The following CDH8 variants were observed in gnomAD, a reference collection of about 807,000 sequenced individuals.
The protein encoded by CDH8 is cadherin-8.
Under a neutral mutation model 68.1 loss-of-function variants are expected in CDH8, and 17 were observed. The ratio of observed to expected loss-of-function variants is 0.25; its 90% CI spans 0.17 to 0.37. CDH8 has a LOEUF of 0.37. CDH8 is among the 10% of genes least tolerant of loss of function. The pLI, the probability that CDH8 is intolerant of heterozygous loss-of-function variation, is 1.00. For synonymous variants in CDH8, 372 were observed against 365.1 expected (o/e 1.02, Z -0.21); for missense variants, 763 against 999.3 (o/e 0.76, Z 3.19).
At chr16:61,946,099 A>G (rs1964796837) in intron 2 of CDH8, among the ~76,000 whole-genome samples, 1 of 152,010 alleles carries the variant, frequency 6.6e-6, no homozygotes, top group Admixed American at 6.6e-5. Context: ...CCTCCTGCCC[A>G]CTCCTAATAT....
chr16:61,768,794 T>A (rs1159471805), intron 8 of CDH8, among the ~76,000 whole-genome samples: 1 of 151,768 alleles, frequency 6.6e-6, no homozygotes, highest in Non-Finnish European at 1.5e-5. Flanking sequence ...TCCATCAATG[T>A]TATATTCAAG....
At chr16:61,963,065 C>T (rs1965187149) in intron 2 of CDH8, among the ~76,000 whole-genome samples, 1 of 152,112 alleles carries the variant, frequency 6.6e-6, no homozygotes, top group African/African-American at 2.4e-5. Context: ...TAAATTAATT[C>T]TTCTCTGCCT....
At chr16:61,746,969 C>A (rs1960038916) in intron 8 of CDH8, among the ~76,000 whole-genome samples, 1 of 152,000 alleles carries the variant, frequency 6.6e-6, no homozygotes, top group South Asian at 2.1e-4. Flanking sequence ...GCAGAACTGG[C>A]TGAAATGATT....
At chr16:61,928,060 T>C (rs1376695382) in intron 2 of CDH8, among the ~76,000 whole-genome samples, 2 of 152,160 alleles carry the variant, frequency 1.3e-5, no homozygotes, top group East Asian at 1.9e-4. Context: ...ATGCTAGAAA[T>C]TAAAAGTCCT....
In CDH8 at chr16:61,662,223, C is replaced by T. The variant is rs186294984; in HGVS notation, c.1655-6502G>A. ...AAACTTGGCTTCAATTTTACTCATA[C>T]GTTATTCAACAATCTTCTTTTCAGT... is the stretch of plus-strand genomic sequence containing the variant. On this transcript the variant is annotated intron_variant, in intron 10 of 11. Coordinates refer to ENST00000577390, the MANE Select transcript of CDH8 (RefSeq NM_001796.5). Among the ~76,000 whole-genome samples, 57 of 151,182 alleles carry T rather than the reference C, an allele frequency of 3.8e-4. No individual in the cohort carries two copies. The East Asian group carries it at 0.01, about 27-fold the overall frequency.
chr16:62,008,291 G>A (rs963462355), intron 2 of CDH8, among the ~76,000 whole-genome samples: 10 of 151,922 alleles, frequency 6.6e-5, no homozygotes, highest in Non-Finnish European at 1.0e-4. Context: ...TTGTATTTTT[G>A]GATTTATGTC....
At chr16:61,826,951 C>A (rs1962348816) in intron 4 of CDH8, among the ~76,000 whole-genome samples, 1 of 151,698 alleles carries the variant, frequency 6.6e-6, no homozygotes, top group Admixed American at 6.6e-5. Context: ...AGGATTTGAT[C>A]ACATCATAAT....
In CDH8 at chr16:61,760,382, G is replaced by A. The variant is rs1344130122; in HGVS notation, c.1414+28964C>T. ...GCTGGAGTGCAGTGGCGCAATCTCG[G>A]GTCACTGCAACCTCTGTCTCCTGGG... On this transcript the variant is annotated intron_variant, in intron 8 of 11. Transcript: ENST00000577390. Among the ~76,000 whole-genome samples, 3 of 151,416 alleles carry A rather than the reference G, an allele frequency of 2.0e-5. No homozygotes were observed. In the East Asian group the frequency reaches 5.9e-4, roughly 30 times the overall value.
chr16:61,725,216 G>A (rs1959316997), intron 9 of CDH8: 1 of 150,576 alleles, frequency 6.6e-6, no homozygotes, highest in South Asian at 2.1e-4. Flanking sequence ...TTTTTATTTT[G>A]GTTTTGCATA....
intron 2 of CDH8, among the ~76,000 whole-genome samples, chr16:61,937,123 G>A (rs1232272719): frequency 1.3e-5 from 2 of 152,010 alleles, no homozygotes; most frequent in Non-Finnish European, 1.5e-5. Context: ...GAATAAAACC[G>A]CTGTTATTCT....
At chr16:61,888,833 T>G (rs1963724446) in intron 3 of CDH8, among the ~76,000 whole-genome samples, 1 of 152,178 alleles carries the variant, frequency 6.6e-6, no homozygotes, top group African/African-American at 2.4e-5. Context: ...GTCCTCCCAC[T>G]ACTGCTCCAT....
chr16:61,847,277 C>T (rs764483855), intron 4 of CDH8, among the ~76,000 whole-genome samples: 2 of 151,962 alleles, frequency 1.3e-5, no homozygotes, highest in African/African-American at 2.4e-5. Context: ...CCATATGGCA[C>T]AAACTCTTTT....
chr16:61,955,642 G>A (rs1964974943), intron 2 of CDH8, among the ~76,000 whole-genome samples: 1 of 152,002 alleles, frequency 6.6e-6, no homozygotes, highest in South Asian at 2.1e-4. Flanking sequence ...ACAAGAAAGA[G>A]TTTATCATAA....
intron 3 of CDH8, among the ~76,000 whole-genome samples, chr16:61,882,254 T>A (rs902820902): frequency 7.2e-5 from 11 of 152,206 alleles, no homozygotes; most frequent in Admixed American, 7.2e-4. Context: ...AAAGCTCCCA[T>A]CCAATATTTA....
chr16:61,759,651 T>G (rs1012948440), intron 8 of CDH8, among the ~76,000 whole-genome samples: 3 of 152,190 alleles, frequency 2.0e-5, no homozygotes, highest in Non-Finnish European at 4.4e-5. Context: ...TAATGCTGTC[T>G]ACAGAAATTA....
At chr16:61,827,033 A>G (rs1962351731) in intron 4 of CDH8, among the ~76,000 whole-genome samples, 1 of 151,940 alleles carries the variant, frequency 6.6e-6, no homozygotes, top group African/African-American at 2.4e-5. Context: ...TCAACCATTC[A>G]GATTTAGATC....
chr16:61,816,503 CAG>C (rs1962078017), intron 7 of CDH8, among the ~76,000 whole-genome samples: 1 of 152,116 alleles, frequency 6.6e-6, no homozygotes, highest in African/African-American at 2.4e-5. Context: ...ACATCAAACT[CAG>C]AAATCAGCTG....
intron 4 of CDH8, among the ~76,000 whole-genome samples, chr16:61,855,042 C>T (rs1597020046): frequency 6.6e-6 from 1 of 152,034 alleles, no homozygotes. Flanking sequence ...TTGTGTCCAC[C>T]TTACTTAAAA....
chr16:61,740,617 T>C (rs2142922934), intron 8 of CDH8, among the ~76,000 whole-genome samples: 1 of 152,298 alleles, frequency 6.6e-6, no homozygotes, highest in East Asian at 1.9e-4. Context: ...GTTTATCTTC[T>C]TCAGGAATTC....
Sources: allele counts gnomAD v4.1 joint callset (sites outside exome capture counted in the v4.1 genomes callset), GRCh38; gene constraint gnomAD v4.1.1; transcripts MANE v1.5; gene names NCBI Gene and HGNC (gene_info 2026-07-23, HGNC 2026-07-21).